The following GTF2F2 variants were observed in gnomAD, a reference collection of about 807,000 sequenced individuals.
GTF2F2 encodes the protein general transcription factor IIF subunit 2, also known as ATP-dependent helicase GTF2F2.
In GTF2F2, 23 loss-of-function variants were observed where a neutral mutation model predicts 42.2. The observed-to-expected ratio is 0.55, with a 90% CI of 0.39 to 0.77. The LOEUF (loss-of-function observed/expected upper bound fraction) is 0.77, where lower values mean the gene tolerates loss of function less well. Among genes scored for constraint, GTF2F2 ranks in the 30% least tolerant of loss-of-function variants. The pLI, the probability that GTF2F2 is intolerant of heterozygous loss-of-function variation, is 0.00. For synonymous variants in GTF2F2, 105 were observed against 100.8 expected (o/e 1.04, Z -0.25); for missense variants, 261 against 287.2 (o/e 0.91, Z 0.66).
At chr13:45,261,425 CAAAA>C (rs976923932) in intron 6 of GTF2F2, among the ~76,000 whole-genome samples, 7 of 58,888 alleles carry the variant, frequency 1.2e-4, no homozygotes, top group Admixed American at 1.2e-3. Flanking sequence ...GACTCCATCT[CAAAA>C]AAAAAAAAAA....
rs538958261 is a variant in GTF2F2, at chr13:45,191,882, G to A, written c.305-15542G>A. Among the ~76,000 whole-genome samples, 40 of 152,134 alleles carry A rather than the reference G, an allele frequency of 2.6e-4. 2 individuals carry two copies. The South Asian group carries it at 7.5e-3, about 28-fold the overall frequency. On this transcript the variant is annotated intron_variant, in intron 4 of 7. Transcript: ENST00000340473. ...TTAAGATAGTTAAATTCTCCTCTTT[G>A]GATTTGATAAAAAACCTTACTTGTA... is the stretch of plus-strand genomic sequence containing the variant.
chr13:45,211,574 CA>C lies in GTF2F2; in HGVS notation c.386+4081del, dbSNP rs35664009. ...ATGAGCCACCATACCTGGCCAAGCT[CA>C]AAAAAAAAAAATTTTTTTTTTTTTT... On this transcript the variant is annotated intron_variant, in intron 5 of 7. Coordinates refer to ENST00000340473, the MANE Select transcript of GTF2F2 (RefSeq NM_004128.3). Among the ~76,000 whole-genome samples the C allele has an allele frequency of 3.7e-3, 506 of 135,356 alleles. 4 individuals carry two copies. Among genetic ancestry groups the C allele is most frequent in the Middle Eastern group, 0.012 (3 of 244 alleles). 88.8% of individuals were successfully genotyped at this position (135,356 alleles called of 152,430 possible).
At chr13:45,173,400 G>T (rs1376904392) in intron 4 of GTF2F2, among the ~76,000 whole-genome samples, 1 of 146,950 alleles carries the variant, frequency 6.8e-6, no homozygotes, top group Non-Finnish European at 1.5e-5. Context: ...TGTGTGTATT[G>T]TTTAGTTTCA....
chr13:45,151,074 C>T (rs1351854599), intron 3 of GTF2F2, among the ~76,000 whole-genome samples: 1 of 151,770 alleles, frequency 6.6e-6, no homozygotes, highest in Admixed American at 6.6e-5. Flanking sequence ...ATTCTGTCAC[C>T]CAAATAGTGA....
At chr13:45,146,046 T>G (rs1432931828) in intron 2 of GTF2F2, among the ~76,000 whole-genome samples, 4 of 152,138 alleles carry the variant, frequency 2.6e-5, no homozygotes, top group African/African-American at 9.6e-5. Context: ...TCTGATACCT[T>G]GCCCCTGCTT....
chr13:45,121,334 A>G (rs184397238), intron 1 of GTF2F2, among the ~76,000 whole-genome samples: 1 of 152,334 alleles, frequency 6.6e-6, no homozygotes, highest in Non-Finnish European at 1.5e-5. Flanking sequence ...AGCTCACAGT[A>G]AGCACTATTT....
chr13:45,222,418 A>G, intron 5 of GTF2F2, among the ~76,000 whole-genome samples: 1 of 152,108 alleles, frequency 6.6e-6, no homozygotes, highest in East Asian at 1.9e-4. Context: ...AATTGAATTG[A>G]CTTTTATTTA....
chr13:45,146,659 A>G (rs1870208602), intron 2 of GTF2F2, among the ~76,000 whole-genome samples: 1 of 152,242 alleles, frequency 6.6e-6, no homozygotes, highest in African/African-American at 2.4e-5. Context: ...AAGGAAAGAC[A>G]TGATTAATAC....
chr13:45,264,937 C>T (rs1177699350), intron 6 of GTF2F2, among the ~76,000 whole-genome samples: 4 of 152,134 alleles, frequency 2.6e-5, no homozygotes, highest in Non-Finnish European at 5.9e-5. Context: ...ACTGAGTATA[C>T]CATCACTTCT....
intron 5 of GTF2F2, among the ~76,000 whole-genome samples, chr13:45,211,269 G>T (rs976538822): frequency 6.6e-6 from 1 of 151,896 alleles, no homozygotes; most frequent in African/African-American, 2.4e-5. Context: ...TGTAAGAACG[G>T]TACCAAGGTA....
At chr13:45,261,683 G>GCTTTATATCATTTC (rs1481041082) in intron 6 of GTF2F2, among the ~76,000 whole-genome samples, 2 of 152,136 alleles carry the variant, frequency 1.3e-5, no homozygotes, top group African/African-American at 4.8e-5. Context: ...ATATCTGACT[G>GCTTTATATCATTTC]CTTTAATATC....
rs893294569 is a variant in GTF2F2, at chr13:45,279,127, A to G, written c.631-4315A>G. On this transcript the variant is annotated intron_variant, in intron 7 of 7. Transcript: ENST00000340473. Reference sequence around the variant, plus strand: ...CGTGAGCCATCACACCCGGCGTAATATGCCTTTTTCTTTGCCCCCATCCTC... The same window carrying G: ...CGTGAGCCATCACACCCGGCGTAATGTGCCTTTTTCTTTGCCCCCATCCTC... 2.6e-5 allele frequency among the ~76,000 whole-genome samples: 4 copies of G among 152,094 alleles called. No homozygotes were observed. The East Asian group carries it at 7.7e-4, about 29-fold the overall frequency.
rs114795234 is a variant in GTF2F2 at position 45,218,314 on chromosome 13, A to G, written c.386+10809A>G. Among the ~76,000 whole-genome samples the G allele has an allele frequency of 4.3e-3, 648 of 152,364 alleles. 3 individuals are homozygous for G. Among genetic ancestry groups the G allele is most frequent in the African/African-American group, 0.014 (600 of 41,596 alleles). On this transcript the variant is annotated intron_variant, in intron 5 of 7. Transcript: ENST00000340473. ...GAGCAGGACAGTCACTGACTAGCCC[A>G]TATGGCATCTTTGTACGTATTAGAA...
chr13:45,263,163 C>G (rs1293441014), intron 6 of GTF2F2, among the ~76,000 whole-genome samples: 2 of 152,006 alleles, frequency 1.3e-5, no homozygotes, highest in East Asian at 3.9e-4. Context: ...ACTTAAATTT[C>G]TCTAGTGAGG....
At position 45,279,674 on chromosome 13, in the gene GTF2F2, G is replaced by A. The variant is rs368983446; in HGVS notation, c.631-3768G>A. Among the ~76,000 whole-genome samples the A allele has an allele frequency of 1.1e-4, 16 of 152,280 alleles. No individual in the cohort carries two copies. In the South Asian group the frequency reaches 1.9e-3, roughly 18 times the overall value. On this transcript the variant is annotated intron_variant, in intron 7 of 7. Transcript: ENST00000340473. ...TGTAATCCTAGCGCTTTGGGAGGCC[G>A]AGGCGGGTGGATCACGAGGTCAGCA... is the stretch of plus-strand genomic sequence containing the variant.
At chr13:45,242,238 C>T (rs1042123032) in intron 5 of GTF2F2, among the ~76,000 whole-genome samples, 3 of 146,012 alleles carry the variant, frequency 2.1e-5, no homozygotes, top group African/African-American at 7.5e-5. Context: ...TTCCAAGCTG[C>T]GTCTTCTGCT....
chr13:45,151,674 A>T lies in GTF2F2; in HGVS notation c.160-13A>T, dbSNP rs2138119890. On this transcript the variant is annotated splice_polypyrimidine_tract_variant and intron_variant, in intron 3 of 7. Coordinates refer to ENST00000340473, the MANE Select transcript of GTF2F2 (RefSeq NM_004128.3). ...AGAAGTCTGTTATAATCTCTGGTTA[A>T]TGTGTCTATTAGGTGTCATTTACTT... The T allele has an allele frequency of 6.4e-7, 1 of 1,563,630 alleles. No homozygotes were observed. Among genetic ancestry groups the T allele is most frequent in the East Asian group, 2.3e-5 (1 of 44,140 alleles).
At chr13:45,280,328 G>C (rs1356379161) in intron 7 of GTF2F2, among the ~76,000 whole-genome samples, 1 of 152,184 alleles carries the variant, frequency 6.6e-6, no homozygotes, top group Non-Finnish European at 1.5e-5. Flanking sequence ...GGAAGGACAT[G>C]TGCTCTTTCT....
At chr13:45,160,738 T>A (rs925269952) in intron 4 of GTF2F2, among the ~76,000 whole-genome samples, 1 of 151,934 alleles carries the variant, frequency 6.6e-6, no homozygotes, top group Non-Finnish European at 1.5e-5. Context: ...AAGTTGAATT[T>A]TATTAATGAC....
Sources: gnomAD v4.1 joint callset for allele counts (sites outside exome capture counted in the v4.1 genomes callset) on GRCh38, gnomAD v4.1.1 for gene constraint, MANE v1.5 for transcripts, NCBI Gene and HGNC (gene_info 2026-07-23, HGNC 2026-07-21) for gene names.